The following PDE1C variants were observed in gnomAD, a reference collection of about 807,000 sequenced individuals.
PDE1C encodes phosphodiesterase 1C.
Under a neutral mutation model 93.1 loss-of-function variants are expected in PDE1C, and 62 were observed. The ratio of observed to expected loss-of-function variants is 0.67; its 90% confidence interval spans 0.54 to 0.82. The LOEUF is 0.82. Ranked by LOEUF, PDE1C falls within the 40% of genes least tolerant of loss-of-function variation. PDE1C has a pLI of 0.00. For synonymous variants in PDE1C, 325 were observed against 310.1 expected, an observed-to-expected ratio of 1.05 and a Z score of -0.50; for missense variants, 742 against 884.6, an observed-to-expected ratio of 0.84 and a Z score of 2.04.
chr7:32,196,266 A>G (rs1804610695), intron 2 of PDE1C, among the ~76,000 whole-genome samples: 1 of 152,156 alleles, frequency 6.6e-6, no homozygotes, highest in Non-Finnish European at 1.5e-5. Context: ...GGATGGGGCC[A>G]CAGCTTTTTC....
intron 1 of PDE1C, among the ~76,000 whole-genome samples, chr7:32,308,581 C>T (rs1224872587): frequency 5.3e-5 from 8 of 152,364 alleles, no homozygotes; most frequent in Middle Eastern, 3.4e-3. Flanking sequence ...CACCAAGATC[C>T]GCTGTTCTAC....
At chr7:31,769,251 T>C (rs1206281074) in intron 17 of PDE1C, among the ~76,000 whole-genome samples, 1 of 152,262 alleles carries the variant, frequency 6.6e-6, no homozygotes, top group Non-Finnish European at 1.5e-5. Flanking sequence ...AGATATTTTC[T>C]TCATTGTCTT....
rs575718934 is a variant in PDE1C, at chr7:32,364,229, G to T, written c.310+63593C>A. ...AATGGTCAAAGTTAATTCTCAAAGT[G>T]ATATTAATTTAAATTCATTTTTTTA... On this transcript the variant is annotated intron_variant, in intron 1 of 1. Transcript: ENST00000672256. Among the ~76,000 whole-genome samples the T allele has an allele frequency of 4.6e-5, 7 of 152,320 alleles. No homozygotes were observed. The South Asian group carries it at 1.5e-3, about 32-fold the overall frequency.
intron 1 of PDE1C, among the ~76,000 whole-genome samples, chr7:32,400,823 C>T (rs1233977744): frequency 2.6e-5 from 4 of 152,224 alleles, no homozygotes; most frequent in African/African-American, 9.6e-5. Flanking sequence ...GGCCACAATA[C>T]AGAAGGTTCC....
chr7:31,618,984 C>T, the PDE1C span, among the ~76,000 whole-genome samples: 1 of 152,146 alleles, frequency 6.6e-6, no homozygotes, highest in Non-Finnish European at 1.5e-5. Flanking sequence ...TGTGGAAGAC[C>T]TGATTCTTCA....
Position 31,969,468 on chromosome 7 carries a change from T to C in PDE1C, c.128+82086A>G, listed in dbSNP as rs1052185041. On this transcript the variant is annotated intron_variant, in intron 2 of 17. Coordinates refer to ENST00000396191, the MANE Select transcript of PDE1C (RefSeq NM_001191057.4). ...TACCATCACACACCAGTTAGAATGGTGATCATTAAAAAGTCAGGAAACAAC... is the reference window on the plus strand; with the variant it reads ...TACCATCACACACCAGTTAGAATGGCGATCATTAAAAAGTCAGGAAACAAC... 2.6e-5 allele frequency among the ~76,000 whole-genome samples: 4 copies of C among 152,108 alleles called. No homozygotes were observed. In the East Asian group the frequency reaches 7.7e-4, roughly 29 times the overall value.
chr7:32,233,466 AT>A (rs1807851876), intron 1 of PDE1C, among the ~76,000 whole-genome samples: 1 of 152,242 alleles, frequency 6.6e-6, no homozygotes, highest in African/African-American at 2.4e-5. Flanking sequence ...GCTATAGAAA[AT>A]TTAAAAGTAA....
chr7:32,157,976 C>T (rs59066301), intron 3 of PDE1C, among the ~76,000 whole-genome samples: 324 of 152,136 alleles, frequency 2.1e-3, no homozygotes, highest in African/African-American at 7.3e-3. Context: ...GAGTGCTATC[C>T]GGGGAAATTT....
chr7:32,223,950 C>G (rs908180722), intron 1 of PDE1C, among the ~76,000 whole-genome samples: 1 of 152,204 alleles, frequency 6.6e-6, no homozygotes, highest in African/African-American at 2.4e-5. Context: ...GTCCCCACTC[C>G]TCCCTCCCAG....
chr7:31,712,841 A>G, the PDE1C span, among the ~76,000 whole-genome samples: 1 of 152,114 alleles, frequency 6.6e-6, no homozygotes, highest in Non-Finnish European at 1.5e-5. Flanking sequence ...TCTTTTTAAA[A>G]CCATCAGATC....
intron 16 of PDE1C, among the ~76,000 whole-genome samples, chr7:31,793,269 A>G (rs1315906883): frequency 4.6e-5 from 7 of 152,072 alleles, no homozygotes; most frequent in Non-Finnish European, 1.0e-4. Flanking sequence ...GTGTTTATCC[A>G]TTATAATGTT....
At chr7:31,823,332 T>A (rs1263808132) in intron 13 of PDE1C, 84 bp from the exon 14 acceptor site, 3 of 1,059,690 alleles carry the variant, frequency 2.8e-6, no homozygotes, top group Non-Finnish European at 4.1e-6. Context: ...GGAGGAATGG[T>A]TAGCACTCCT....
intron 2 of PDE1C, among the ~76,000 whole-genome samples, chr7:31,983,542 T>C (rs1487956563): frequency 6.6e-6 from 1 of 152,194 alleles, no homozygotes; most frequent in Non-Finnish European, 1.5e-5. Flanking sequence ...CAAATGTTCC[T>C]GCAAAAGTCA....
the PDE1C span, among the ~76,000 whole-genome samples, chr7:31,680,201 C>T: frequency 5.3e-5 from 8 of 152,276 alleles, no homozygotes; most frequent in South Asian, 6.2e-4. Context: ...CCTTGCTGTT[C>T]GGCTGAGTGG....
rs970311220 is a variant in PDE1C at position 31,809,075 on chromosome 7, T to C, written c.1847A>G (p.Lys616Arg). The C allele has an allele frequency of 1.3e-6, 2 of 1,595,222 alleles. No individual in the cohort carries two copies. Among genetic ancestry groups the C allele is most frequent in the African/African-American group, 2.7e-5 (2 of 74,474 alleles). ...DFKDGKNKTD[K>R]KDHSNIGNDS... is the part of the protein sequence containing the mutation. ...ATTTCCGATGTTAGAGTGATCCTTCTTGTCTGTCTTATTTTTACCATCTTT... is the reference window on the plus strand; with the variant it reads ...ATTTCCGATGTTAGAGTGATCCTTCCTGTCTGTCTTATTTTTACCATCTTT... Residue 616 changes from lysine (K) to arginine (R), a missense_variant, in exon 16 of 18, where the codon AAG becomes AGG. Coordinates refer to ENST00000396191, the MANE Select transcript of PDE1C (RefSeq NM_001191057.4).
the PDE1C span, among the ~76,000 whole-genome samples, chr7:31,692,051 G>C: frequency 1.3e-5 from 2 of 152,102 alleles, no homozygotes; most frequent in Admixed American, 1.3e-4. Flanking sequence ...AAAAACATAG[G>C]CAAGGTTTAA....
At chr7:31,880,705 T>A in intron 3 of PDE1C, 42 bp downstream of exon 3, 1 of 1,199,240 alleles carries the variant, frequency 8.3e-7, no homozygotes, top group East Asian at 2.4e-5. Context: ...AAGAGAAAAT[T>A]TACTATCACT....
chr7:32,059,783 A>G (rs1043461925), intron 1 of PDE1C, among the ~76,000 whole-genome samples: 1 of 152,210 alleles, frequency 6.6e-6, no homozygotes, highest in Admixed American at 6.5e-5. Context: ...GGCACCAAGG[A>G]AAAAACAGGG....
At chr7:32,082,495 G>C (rs938280701) in intron 3 of PDE1C, among the ~76,000 whole-genome samples, 4 of 152,258 alleles carry the variant, frequency 2.6e-5, no homozygotes, top group Admixed American at 6.5e-5. Flanking sequence ...CTGTCTGACA[G>C]CTTTGAAGAG....
Sources: allele counts gnomAD v4.1 joint callset (sites outside exome capture counted in the v4.1 genomes callset), GRCh38; gene constraint gnomAD v4.1.1; transcripts MANE v1.5; gene names NCBI Gene and HGNC (gene_info 2026-07-23, HGNC 2026-07-21).